Variants in GULP1 observed in about 807,000 individuals in gnomAD.
GULP1 encodes GULP PTB domain containing engulfment adaptor 1.
GULP1 carries 19 observed loss-of-function variants against 40.9 expected under a neutral mutation model. That is an observed-to-expected ratio of 0.46 (90% CI 0.32 to 0.68). The LOEUF (loss-of-function observed/expected upper bound fraction) is 0.68, where lower values mean the gene tolerates loss of function less well. Among genes scored for constraint, GULP1 ranks in the 30% least tolerant of loss-of-function variants. GULP1 has a pLI of 0.03. For missense variants in GULP1, 312 were observed against 362.2 expected, an observed-to-expected ratio of 0.86 and a Z score of 1.12; for synonymous variants, 119 against 117.6, an observed-to-expected ratio of 1.01 and a Z score of -0.08.
intron 1 of GULP1, among the ~76,000 whole-genome samples, chr2:188,328,261 A>G (rs536250665): frequency 8.5e-5 from 13 of 152,206 alleles, no homozygotes; most frequent in African/African-American, 3.1e-4. Context: ...TAATCTCTCT[A>G]TTTCCATTTC....
At chr2:188,318,347 G>A (rs1167927809) in intron 1 of GULP1, among the ~76,000 whole-genome samples, 1 of 152,036 alleles carries the variant, frequency 6.6e-6, no homozygotes, top group Non-Finnish European at 1.5e-5. Flanking sequence ...CTTTTAACAT[G>A]CCCAAATGTG....
At chr2:188,389,467 C>T (rs923965805) in intron 2 of GULP1, among the ~76,000 whole-genome samples, 1 of 151,954 alleles carries the variant, frequency 6.6e-6, no homozygotes, top group Non-Finnish European at 1.5e-5. Context: ...TTACACTTTC[C>T]AGCAGTCACA....
chr2:188,524,838 A>T lies in GULP1; in HGVS notation c.162+2011A>T, dbSNP rs566000089. ...TAACATATGAATTCTGACTACTTTT[A>T]AAAAAATCTATATAATTCAGTATGT... On this transcript the variant is annotated intron_variant, in intron 5 of 11. Transcript: ENST00000409830. 6.8e-3 allele frequency among the ~76,000 whole-genome samples: 1,026 copies of T among 151,810 alleles called. 5 individuals carry two copies. The highest frequency in any genetic ancestry group is 0.01 in the Non-Finnish European group (693 of 67,906).
At chr2:188,389,445 T>C (rs1227187301) in intron 2 of GULP1, among the ~76,000 whole-genome samples, 1 of 152,202 alleles carries the variant, frequency 6.6e-6, no homozygotes. Flanking sequence ...CCACAATGTA[T>C]ATAATTTAGC....
intron 1 of GULP1, among the ~76,000 whole-genome samples, chr2:188,352,618 T>TCA (rs66499080): frequency 6.9e-4 from 93 of 134,498 alleles, no homozygotes; most frequent in Admixed American, 1.1e-3. Context: ...TCTCTCTCTC[T>TCA]CACACACACA....
chr2:188,295,320 G>T (rs887336884), intron 1 of GULP1, among the ~76,000 whole-genome samples: 5 of 152,130 alleles, frequency 3.3e-5, no homozygotes, highest in South Asian at 2.1e-4. Flanking sequence ...AATAAATCCA[G>T]CCAATGTTTG....
intron 1 of GULP1, among the ~76,000 whole-genome samples, chr2:188,312,966 G>T (rs2106394527): frequency 8.8e-6 from 1 of 113,908 alleles, no homozygotes; most frequent in Non-Finnish European, 1.9e-5. Flanking sequence ...TGATGGGGTT[G>T]TTTGTTTTTT....
intron 2 of GULP1, among the ~76,000 whole-genome samples, chr2:188,437,010 T>C (rs2057469417): frequency 6.6e-6 from 1 of 152,148 alleles, no homozygotes; most frequent in Admixed American, 6.6e-5. Flanking sequence ...ACTATAGTTC[T>C]ATCTTCTTTT....
chr2:188,445,052 G>A (rs1332406804), intron 2 of GULP1, among the ~76,000 whole-genome samples: 1 of 152,080 alleles, frequency 6.6e-6, no homozygotes, highest in Non-Finnish European at 1.5e-5. Context: ...ATTTCAAAGA[G>A]GAACGAAAAG....
At chr2:188,404,674 C>T (rs2052799913) in intron 2 of GULP1, among the ~76,000 whole-genome samples, 3 of 152,190 alleles carry the variant, frequency 2.0e-5, no homozygotes, top group African/African-American at 7.2e-5. Context: ...TAGGCTGACC[C>T]CTGTGGCCCT....
At position 188,595,097 on chromosome 2, in the gene GULP1, T is replaced by A. The variant is rs1704245744; in HGVS notation, c.*1086T>A. 2.7e-5 allele frequency: 4 copies of A among 150,932 alleles called. No homozygotes were observed. The South Asian group carries it at 8.3e-4, about 31-fold the overall frequency. 9.3% of individuals were successfully genotyped at this position (150,932 alleles called of 1,614,324 possible). On this transcript the variant is annotated 3_prime_UTR_variant, in exon 12 of 12. Transcript: ENST00000409830. ...AAAACCCAGTTACTGCTCAGTTTAG[T>A]CTTGAACATGAGCAATAAAATTCTC...
intron 2 of GULP1, among the ~76,000 whole-genome samples, chr2:188,396,650 T>C (rs2051313744): frequency 6.6e-6 from 1 of 152,212 alleles, no homozygotes; most frequent in Non-Finnish European, 1.5e-5. Flanking sequence ...CCGGCAAAGC[T>C]GGGACGTCCA....
intron 1 of GULP1, among the ~76,000 whole-genome samples, chr2:188,365,243 G>A (rs2046632316): frequency 6.9e-6 from 1 of 143,982 alleles, no homozygotes; most frequent in Non-Finnish European, 1.5e-5. Flanking sequence ...CTCCTGCCCT[G>A]CCATATCTTA....
intron 4 of GULP1, among the ~76,000 whole-genome samples, chr2:188,516,304 A>G (rs996948838): frequency 2.6e-5 from 4 of 152,148 alleles, no homozygotes; most frequent in Non-Finnish European, 5.9e-5. Context: ...TCAGAATTTG[A>G]AGTTACTTTC....
intron 6 of GULP1, among the ~76,000 whole-genome samples, chr2:188,535,345 C>A (rs1688659009): frequency 6.6e-6 from 1 of 151,872 alleles, no homozygotes; most frequent in Non-Finnish European, 1.5e-5. Context: ...ACCCCCTTTT[C>A]CCATCCACTT....
At chr2:188,546,874 C>G (rs367668223) in intron 7 of GULP1, among the ~76,000 whole-genome samples, 1 of 151,954 alleles carries the variant, frequency 6.6e-6, no homozygotes, top group African/African-American at 2.4e-5. Context: ...ACAGATTTCA[C>G]TACAGACTCT....
chr2:188,466,012 G>A (rs1294068015), intron 2 of GULP1, among the ~76,000 whole-genome samples: 3 of 151,678 alleles, frequency 2.0e-5, no homozygotes, highest in Admixed American at 1.3e-4. Flanking sequence ...TTAACTTGGT[G>A]TCCTCACTGG....
chr2:188,458,850 T>C (rs2059481564), intron 2 of GULP1, among the ~76,000 whole-genome samples: 2 of 152,110 alleles, frequency 1.3e-5, no homozygotes, highest in Non-Finnish European at 2.9e-5. Context: ...CCCTACACTC[T>C]GCTTCCCATA....
At chr2:188,353,392 C>T (rs189115729) in intron 1 of GULP1, among the ~76,000 whole-genome samples, 44 of 152,108 alleles carry the variant, frequency 2.9e-4, no homozygotes, top group African/African-American at 1.0e-3. Context: ...CTTGCAAGGC[C>T]GCTCTCTGAA....
Sources: gnomAD v4.1 joint callset for allele counts (sites outside exome capture counted in the v4.1 genomes callset) on GRCh38, gnomAD v4.1.1 for gene constraint, MANE v1.5 for transcripts, NCBI Gene and HGNC (gene_info 2026-07-23, HGNC 2026-07-21) for gene names.